The following NEK7 variants were observed in gnomAD, a reference collection of about 807,000 sequenced individuals.
NEK7 encodes NIMA related kinase 7, also known as serine/threonine-protein kinase Nek7.
In NEK7, 18 loss-of-function variants were observed where a neutral mutation model predicts 44.6. The observed-to-expected ratio is 0.40, with a 90% CI of 0.28 to 0.60. The LOEUF (loss-of-function observed/expected upper bound fraction) is 0.60, where lower values mean the gene tolerates loss of function less well. Among genes scored for constraint, NEK7 ranks in the 20% least tolerant of loss-of-function variants. The pLI is 0.38. For synonymous variants in NEK7, 130 were observed against 121.1 expected (o/e 1.07, Z -0.48); for missense variants, 256 against 366.5 (o/e 0.70, Z 2.46).
intron 3 of NEK7, among the ~76,000 whole-genome samples, chr1:198,259,976 T>C (rs572428600): frequency 1.3e-5 from 2 of 152,182 alleles, no homozygotes; most frequent in Non-Finnish European, 2.9e-5. Context: ...TTTTCTGTGT[T>C]GCAGTCTGCA....
chr1:198,177,763 C>G (rs114315050), intron 1 of NEK7, among the ~76,000 whole-genome samples: 4,460 of 151,844 alleles, frequency 0.029, 119 homozygotes, highest in African/African-American at 0.063. Flanking sequence ...GGTTGTGTGC[C>G]AGAAGAAGGA....
At chr1:198,256,011 A>C (rs1653251249) in intron 3 of NEK7, among the ~76,000 whole-genome samples, 1 of 152,146 alleles carries the variant, frequency 6.6e-6, no homozygotes, top group Non-Finnish European at 1.5e-5. Flanking sequence ...GAAGAATGCT[A>C]ACCTAACTCT....
At chr1:198,286,661 A>T (rs1338121893) in intron 7 of NEK7, among the ~76,000 whole-genome samples, 5 of 152,352 alleles carry the variant, frequency 3.3e-5, no homozygotes, top group African/African-American at 9.6e-5. Context: ...CAGAAGTCCA[A>T]TATGACTCTA....
intron 1 of NEK7, among the ~76,000 whole-genome samples, chr1:198,163,858 TTAA>T (rs1489240803): frequency 1.3e-5 from 2 of 152,246 alleles, no homozygotes; most frequent in African/African-American, 4.8e-5. Flanking sequence ...AAATAAAGTT[TTAA>T]TAATGTATTT....
At chr1:198,262,705 A>G in intron 4 of NEK7, 68 bp downstream of exon 4, 1 of 918,036 alleles carries the variant, frequency 1.1e-6, no homozygotes, top group East Asian at 2.5e-5. Context: ...AAAATATCAC[A>G]CTTAAACACA....
intron 1 of NEK7, among the ~76,000 whole-genome samples, chr1:198,209,027 A>G (rs569483780): frequency 1.5e-4 from 18 of 116,906 alleles, no homozygotes; most frequent in East Asian, 6.6e-4. Context: ...TAAAGCATAT[A>G]TGTGTGTGTG....
rs1402329298 is a variant in NEK7, at chr1:198,157,237, TCTCTCGCGGGCGGGAGAACGGAAAA to T, written c.-64_-40del. The T allele has an allele frequency of 6.6e-6, 1 of 151,434 alleles. No homozygotes were observed. The highest frequency in any genetic ancestry group is 1.5e-5 in the Non-Finnish European group (1 of 67,858). The allele number at this position is 151,434 out of a possible 1,614,324, so 9.4% of individuals were successfully genotyped here. On this transcript the variant is annotated 5_prime_UTR_variant, in exon 1 of 10. Transcript: ENST00000367385. ...CGCCGAGCCACCCGCCCGCCCAAGG[TCTCTCGCGGGCGGGAGAACGGAAAA>T]CTCCCAACTTCCTGGTGAGTCGCTG... is the stretch of plus-strand genomic sequence containing the variant.
intron 9 of NEK7, among the ~76,000 whole-genome samples, chr1:198,307,305 AT>A (rs1292957021): frequency 1.3e-5 from 2 of 152,068 alleles, no homozygotes; most frequent in Non-Finnish European, 2.9e-5. Flanking sequence ...TTCAACATCA[AT>A]TTTACAGCAA....
At chr1:198,168,626 G>C (rs1664337855) in intron 1 of NEK7, among the ~76,000 whole-genome samples, 1 of 152,180 alleles carries the variant, frequency 6.6e-6, no homozygotes. Flanking sequence ...TGTGATCTTT[G>C]GAGCCTTCTG....
chr1:198,197,595 G>T (rs1471414924), intron 1 of NEK7, among the ~76,000 whole-genome samples: 2 of 151,628 alleles, frequency 1.3e-5, no homozygotes, highest in African/African-American at 4.8e-5. Context: ...CAAGAAGATG[G>T]TCATGCCATG....
intron 1 of NEK7, among the ~76,000 whole-genome samples, chr1:198,226,496 G>A (rs1666228913): frequency 6.7e-6 from 1 of 149,870 alleles, no homozygotes; most frequent in African/African-American, 2.5e-5. Flanking sequence ...AGTGAGCCGA[G>A]ATCACACCGC....
At chr1:198,157,606 G>T (rs1201843186) in intron 1 of NEK7, among the ~76,000 whole-genome samples, 1 of 152,260 alleles carries the variant, frequency 6.6e-6, no homozygotes, top group Non-Finnish European at 1.5e-5. Context: ...CGGGACCCGA[G>T]GAACTTAAGC....
At position 198,293,067 on chromosome 1, in the gene NEK7, T is replaced by C. The variant is rs544262739; in HGVS notation, c.684+28T>C. On this transcript the variant is annotated intron_variant, in intron 8 of 9. Transcript: ENST00000367385. ...AGGTAATGTTGATAAATTCCAAATATTGATGCAGTTTTACTTAGTATATTT... is the reference window on the plus strand; with the variant it reads ...AGGTAATGTTGATAAATTCCAAATACTGATGCAGTTTTACTTAGTATATTT... The C allele has an allele frequency of 1.0e-5, 12 of 1,145,760 alleles. No individual in the cohort carries two copies. The South Asian group carries it at 1.4e-4, about 13-fold the overall frequency. 71.0% of individuals were successfully genotyped at this position (1,145,760 alleles called of 1,614,324 possible). A position where few individuals can be genotyped will look rare whatever the true frequency, so the allele number is the denominator to read the frequency against.
At chr1:198,207,385 A>G (rs1558056091) in intron 1 of NEK7, among the ~76,000 whole-genome samples, 1 of 152,192 alleles carries the variant, frequency 6.6e-6, no homozygotes, top group Non-Finnish European at 1.5e-5. Flanking sequence ...CGTAGAGTGT[A>G]TTGAAAACTT....
intron 1 of NEK7, among the ~76,000 whole-genome samples, chr1:198,217,175 T>C (rs1271217346): frequency 1.3e-5 from 2 of 152,038 alleles, no homozygotes; most frequent in African/African-American, 4.8e-5. Context: ...GACAAGTATC[T>C]GTAAAACACA....
intron 1 of NEK7, among the ~76,000 whole-genome samples, chr1:198,160,262 GA>G (rs959039992): frequency 1.7e-4 from 25 of 149,034 alleles, no homozygotes; most frequent in Non-Finnish European, 2.5e-4. Context: ...CACTTTTGGG[GA>G]AAAAAAAAGT....
chr1:198,256,619 G>C, intron 3 of NEK7: 1 of 1,084,018 alleles, frequency 9.2e-7, no homozygotes, highest in Non-Finnish European at 1.3e-6. Context: ...GTATTTATTG[G>C]CCACCTAGTG....
At chr1:198,221,494 T>C (rs568424816) in intron 1 of NEK7, among the ~76,000 whole-genome samples, 1 of 151,778 alleles carries the variant, frequency 6.6e-6, no homozygotes, top group South Asian at 2.1e-4. Flanking sequence ...ACAGGTAAAA[T>C]GCACCAATGA....
intron 1 of NEK7, among the ~76,000 whole-genome samples, chr1:198,176,480 A>T (rs1379889639): frequency 3.9e-5 from 6 of 152,140 alleles, no homozygotes; most frequent in Non-Finnish European, 5.9e-5. Flanking sequence ...TATGGTACTT[A>T]TGTGGGGGAA....
Sources: allele counts gnomAD v4.1 joint callset (sites outside exome capture counted in the v4.1 genomes callset), GRCh38; gene constraint gnomAD v4.1.1; transcripts MANE v1.5; gene names NCBI Gene and HGNC (gene_info 2026-07-23, HGNC 2026-07-21).